PPFIBP1: variants seen among roughly 807,000 people sequenced by gnomAD.
PPFIBP1 encodes PPFIB scaffold protein 1, also known as liprin-beta-1.
In PPFIBP1, 112 loss-of-function variants were observed where a neutral mutation model predicts 137.8. The ratio of observed to expected loss-of-function variants is 0.81; its 90% confidence interval spans 0.70 to 0.95. PPFIBP1 has a LOEUF of 0.95. Ranked by LOEUF, PPFIBP1 falls within the 40% of genes least tolerant of loss-of-function variation. The probability of loss-of-function intolerance (pLI) is 0.00; values close to 1 mark genes in which losing one functional copy is unlikely to be tolerated. For synonymous variants in PPFIBP1, 378 were observed against 417.3 expected (o/e 0.91, Z 1.15); for missense variants, 1,083 against 1,196.6 (o/e 0.91, Z 1.40).
intron 2 of PPFIBP1, among the ~76,000 whole-genome samples, chr12:27,582,510 G>A (rs2051241356): frequency 1.3e-5 from 2 of 152,152 alleles, no homozygotes; most frequent in Non-Finnish European, 2.9e-5. Context: ...ATGGGGGAAG[G>A]CATTTCAATA....
In PPFIBP1 at chr12:27,679,563, A is replaced by T; in HGVS notation, c.1690A>T (p.Asn564Tyr). The change falls in exon 20 of 30, where the codon AAC (asparagine) becomes TAC (tyrosine). Residue 564 changes from asparagine (N) to tyrosine (Y), a missense_variant. Coordinates refer to ENST00000228425, the MANE Select transcript of PPFIBP1 (RefSeq NM_003622.4). ...ASSRPKDSQR[N>Y]SPFQIPPPSP... is the part of the protein sequence containing the mutation. ...TTCTCGGCCAAAAGATTCACAGAGG[A>T]ACAGTCCCTTCCAGATACCGCCTCC... 1 of 1,613,876 alleles carries T rather than the reference A, an allele frequency of 6.2e-7. No homozygotes were observed. Among genetic ancestry groups the T allele is most frequent in the East Asian group, 2.2e-5 (1 of 44,882 alleles).
chr12:27,616,895 G>A (rs1172151712), intron 2 of PPFIBP1, among the ~76,000 whole-genome samples: 2 of 152,130 alleles, frequency 1.3e-5, no homozygotes, highest in East Asian at 3.9e-4. Context: ...TTTAGAGACA[G>A]CCATTATGAG....
intron 2 of PPFIBP1, among the ~76,000 whole-genome samples, chr12:27,623,317 A>G (rs1372751340): frequency 6.6e-6 from 1 of 152,244 alleles, no homozygotes; most frequent in Non-Finnish European, 1.5e-5. Flanking sequence ...TGATTCGCCT[A>G]CATCTCAAAG....
intron 19 of PPFIBP1, 24 bp downstream of exon 19, chr12:27,677,120 C>T (rs2060565866): frequency 6.2e-7 from 1 of 1,613,550 alleles, no homozygotes; most frequent in Non-Finnish European, 8.5e-7. Flanking sequence ...GCATGCCAGC[C>T]TTCACCAGCA....
At chr12:27,691,683 A>T in intron 27 of PPFIBP1, 66 bp from the exon 28 acceptor site, 1 of 1,358,114 alleles carries the variant, frequency 7.4e-7, no homozygotes, top group African/African-American at 1.5e-5. Context: ...ATCACATGTT[A>T]TCAGGCCTTG....
chr12:27,671,594 C>A, intron 14 of PPFIBP1, 48 bp downstream of exon 14: 1 of 1,208,650 alleles, frequency 8.3e-7, no homozygotes, highest in Non-Finnish European at 1.2e-6. Flanking sequence ...AAAAGTAGAT[C>A]AGCCAAAGAC....
rs1328607750 is a variant in PPFIBP1, at chr12:27,621,608, G to A, written c.-35-11754G>A. On this transcript the variant is annotated intron_variant, in intron 2 of 29. Transcript: ENST00000228425. Reference sequence around the variant, plus strand: ...AACTGGTAATTCTGGCCAGGAGCACGTATGCTATAAAGGAACAAGCAGTGT... The same window carrying A: ...AACTGGTAATTCTGGCCAGGAGCACATATGCTATAAAGGAACAAGCAGTGT... Among the ~76,000 whole-genome samples, 6 of 152,294 alleles carry A rather than the reference G, an allele frequency of 3.9e-5. No individual in the cohort carries two copies. In the East Asian group the frequency reaches 7.7e-4, roughly 20 times the overall value.
intron 5 of PPFIBP1, 84 bp downstream of exon 5, chr12:27,646,232 C>CA: frequency 2.9e-6 from 3 of 1,040,100 alleles, no homozygotes; most frequent in Non-Finnish European, 2.9e-6. Context: ...AGATTGCTTG[C>CA]AGCAATCAGA....
intron 9 of PPFIBP1, among the ~76,000 whole-genome samples, chr12:27,658,377 T>C (rs1344714369): frequency 6.6e-6 from 1 of 152,156 alleles, no homozygotes; most frequent in African/African-American, 2.4e-5. Flanking sequence ...GGACAGGAGA[T>C]AGACCCTTTC....
intron 1 of PPFIBP1, among the ~76,000 whole-genome samples, chr12:27,529,550 C>T (rs1944170083): frequency 2.6e-5 from 4 of 152,080 alleles, no homozygotes; most frequent in African/African-American, 4.8e-5. Flanking sequence ...AAAAATTGGC[C>T]GAATGTGGTG....
At chr12:27,531,178 A>G (rs980393184) in intron 1 of PPFIBP1, among the ~76,000 whole-genome samples, 15 of 152,196 alleles carry the variant, frequency 9.9e-5, no homozygotes, top group Admixed American at 3.3e-4. Flanking sequence ...GCTATTTATT[A>G]CAGTCTAATA....
intron 13 of PPFIBP1, among the ~76,000 whole-genome samples, chr12:27,671,036 G>A (rs7308682): frequency 0.15 from 23,035 of 151,758 alleles, 2,136 homozygotes; most frequent in Non-Finnish European, 0.21. Flanking sequence ...GGGTACAGTG[G>A]CACACGTCTA....
intron 1 of PPFIBP1, among the ~76,000 whole-genome samples, chr12:27,566,673 A>G (rs149703859): frequency 2.3e-4 from 35 of 152,342 alleles, no homozygotes; most frequent in Non-Finnish European, 4.6e-4. Context: ...TAAGCTCTCT[A>G]TGTGAATTAC....
chr12:27,555,632 T>G (rs978311316), intron 1 of PPFIBP1, among the ~76,000 whole-genome samples: 3 of 152,192 alleles, frequency 2.0e-5, no homozygotes, highest in African/African-American at 7.2e-5. Flanking sequence ...CTTCCCCTTT[T>G]CTCTATGGAG....
rs191355351 is a variant in PPFIBP1, at chr12:27,669,206, A to G, written c.1146+1886A>G. 2.8e-3 allele frequency among the ~76,000 whole-genome samples: 430 copies of G among 152,328 alleles called. 5 individuals carry two copies. The highest frequency in any genetic ancestry group is 9.8e-3 in the African/African-American group (409 of 41,572). Reference sequence around the variant, plus strand: ...TGAATGCAATGAAAATGAATTCAAGAAGAAAACATTGAAAATTTCTCACTT... The same window carrying G: ...TGAATGCAATGAAAATGAATTCAAGGAGAAAACATTGAAAATTTCTCACTT... On this transcript the variant is annotated intron_variant, in intron 13 of 29. Coordinates refer to ENST00000228425, the MANE Select transcript of PPFIBP1 (RefSeq NM_003622.4).
intron 1 of PPFIBP1, among the ~76,000 whole-genome samples, chr12:27,527,280 G>A (rs1213291221): frequency 1.3e-5 from 2 of 150,618 alleles, no homozygotes; most frequent in South Asian, 2.1e-4. Flanking sequence ...ACAGGGTCTC[G>A]CTCTGCCGCC....
At chr12:27,538,951 G>A (rs1945353035) in intron 1 of PPFIBP1, among the ~76,000 whole-genome samples, 1 of 152,138 alleles carries the variant, frequency 6.6e-6, no homozygotes, top group Non-Finnish European at 1.5e-5. Context: ...CACAACCTGG[G>A]GGTGGGGGTG....
intron 1 of PPFIBP1, among the ~76,000 whole-genome samples, chr12:27,557,323 C>T (rs2048780919): frequency 1.3e-5 from 2 of 151,408 alleles, no homozygotes; most frequent in South Asian, 4.2e-4. Flanking sequence ...GCGAGCTCCA[C>T]CTCCTGGGTT....
intron 1 of PPFIBP1, among the ~76,000 whole-genome samples, chr12:27,557,171 T>G (rs897561592): frequency 6.6e-6 from 1 of 151,132 alleles, no homozygotes; most frequent in Non-Finnish European, 1.5e-5. Flanking sequence ...AAGAACAAGA[T>G]TTTCTCTCCT....
Sources: gnomAD v4.1 joint callset for allele counts (sites outside exome capture counted in the v4.1 genomes callset) on GRCh38, gnomAD v4.1.1 for gene constraint, MANE v1.5 for transcripts, NCBI Gene and HGNC (gene_info 2026-07-23, HGNC 2026-07-21) for gene names.